Variants in ZNF713 observed in about 807,000 individuals in gnomAD.
ZNF713 encodes the protein zinc finger protein 713.
Under a neutral mutation model 28.7 loss-of-function variants are expected in ZNF713, and 21 were observed. The observed-to-expected ratio is 0.73, with a 90% CI of 0.52 to 1.05. The LOEUF (loss-of-function observed/expected upper bound fraction) is 1.05, where lower values mean the gene tolerates loss of function less well. Among genes scored for constraint, ZNF713 ranks in the 50% least tolerant of loss-of-function variants. The probability of loss-of-function intolerance (pLI) is 0.00; values close to 1 mark genes in which losing one functional copy is unlikely to be tolerated. For synonymous variants in ZNF713, 167 were observed against 178.0 expected (o/e 0.94, Z 0.49); for missense variants, 458 against 532.4 (o/e 0.86, Z 1.37).
At chr7:55,922,827 T>C (rs1197813626) in intron 4 of ZNF713, among the ~76,000 whole-genome samples, 1 of 152,208 alleles carries the variant, frequency 6.6e-6, no homozygotes, top group Non-Finnish European at 1.5e-5. Flanking sequence ...TGACTCACTT[T>C]ATTGCAATAT....
intron 1 of ZNF713, among the ~76,000 whole-genome samples, chr7:55,900,620 T>A (rs1394302913): frequency 1.3e-5 from 2 of 152,164 alleles, no homozygotes; most frequent in African/African-American, 2.4e-5. Context: ...CTCTATGATC[T>A]CACTTAAAAC....
At chr7:55,924,655 C>T (rs1786060617) in intron 6 of ZNF713, 1 of 152,188 alleles carries the variant, frequency 6.6e-6, no homozygotes. Context: ...AGATGGATCA[C>T]CTGAGGTCAG....
intron 6 of ZNF713, among the ~76,000 whole-genome samples, chr7:55,930,557 T>C (rs561502656): frequency 1.3e-5 from 2 of 152,190 alleles, no homozygotes; most frequent in Non-Finnish European, 1.5e-5. Flanking sequence ...AGCTCAGGAG[T>C]TCAGGACCAT....
chr7:55,938,830 G>A (rs1584322597), intron 6 of ZNF713, 152 bp from the exon 7 acceptor site: 4 of 713,676 alleles, frequency 5.6e-6, no homozygotes, highest in Admixed American at 7.1e-5. Context: ...CCTTTGTGAC[G>A]TGGCCACATT....
At chr7:55,909,786 G>A (rs1204100958) in intron 2 of ZNF713, among the ~76,000 whole-genome samples, 1 of 152,020 alleles carries the variant, frequency 6.6e-6, no homozygotes, top group Non-Finnish European at 1.5e-5. Context: ...AGGTAATTTT[G>A]TGTGGCTATT....
chr7:55,917,268 AAAAC>A (rs201192351), intron 4 of ZNF713, among the ~76,000 whole-genome samples: 9 of 148,244 alleles, frequency 6.1e-5, no homozygotes, highest in Middle Eastern at 3.5e-3. Context: ...TGGAAAAAAA[AAAAC>A]AACAAACTAT....
chr7:55,899,497 C>T (rs1785535015), intron 1 of ZNF713, among the ~76,000 whole-genome samples: 1 of 149,406 alleles, frequency 6.7e-6, no homozygotes, highest in Non-Finnish European at 1.5e-5. Flanking sequence ...ATGGCGAGAC[C>T]CCATCTCTAC....
intron 1 of ZNF713, among the ~76,000 whole-genome samples, chr7:55,900,586 A>G (rs1785557719): frequency 6.6e-6 from 1 of 152,222 alleles, no homozygotes; most frequent in Non-Finnish European, 1.5e-5. Flanking sequence ...TAAGTGAAAT[A>G]AGCCAAGCAC....
intron 4 of ZNF713, among the ~76,000 whole-genome samples, chr7:55,915,067 C>T (rs1785855244): frequency 1.3e-5 from 2 of 152,124 alleles, no homozygotes; most frequent in African/African-American, 4.8e-5. Flanking sequence ...GTTGGCCAGG[C>T]TAGTCCGCCC....
rs148224784 is a variant in ZNF713, at chr7:55,931,726, A to T, written c.308-7256A>T. On this transcript the variant is annotated intron_variant, in intron 6 of 6. Transcript: ENST00000429591. ...AGTTCAAAAGCCATGGATGGGCCTG[A>T]GCAGGGGAAACATCTGCTTGGCAAG... 5.2e-3 allele frequency among the ~76,000 whole-genome samples: 785 copies of T among 152,168 alleles called. 5 individuals carry two copies. Among genetic ancestry groups the T allele is most frequent in the Non-Finnish European group, 9.1e-3 (616 of 68,020 alleles).
At position 55,939,348 on chromosome 7, in the gene ZNF713, A is replaced by T; in HGVS notation, c.674A>T (p.Tyr225Phe). Residue 225 changes from tyrosine to phenylalanine, a missense_variant, in exon 7 of 7, where the codon TAT becomes TTT. By Grantham distance (22) the Tyr-to-Phe change is conservative (BLOSUM62 3). Transcript: ENST00000429591. ...SIKHNSDLIY[Y>F]QGNYVRETPY... ...AAACATAATTCAGACTTGATTTACT[A>T]TCAGGGAAATTATGTAAGAGAGACT... is the stretch of plus-strand genomic sequence containing the variant. 2 of 1,614,082 alleles carry T rather than the reference A, an allele frequency of 1.2e-6. No individual in the cohort carries two copies. Among genetic ancestry groups the T allele is most frequent in the Non-Finnish European group, 1.7e-6 (2 of 1,180,024 alleles).
At position 55,939,565 on chromosome 7, in the gene ZNF713, G is replaced by A; in HGVS notation, c.891G>A (p.Gln297=). ...ATGAATGTGGAAAAAGATTCAGCCA[G>A]AGGATACATCTCATTCAACATCAGA... The part of the protein sequence containing the change: ...KCDECGKRFS[Q]RIHLIQHQRI... Residue 297 remains glutamine, a synonymous_variant, in exon 7 of 7, where the codon CAG becomes CAA. Coordinates refer to ENST00000429591, the MANE Select transcript of ZNF713 (RefSeq NM_182633.3). The A allele has an allele frequency of 6.2e-7, 1 of 1,613,924 alleles. No individual in the cohort carries two copies. Among genetic ancestry groups the A allele is most frequent in the Non-Finnish European group, 8.5e-7 (1 of 1,179,942 alleles).
In ZNF713 at chr7:55,914,709, G is replaced by A. The variant is rs9642601; in HGVS notation, c.87+1986G>A. Reference sequence around the variant, plus strand: ...GTAGGGTTTGGAGATTAGAGAAAACGGGGGACCATTGCAGACAGGAAATAA... The same window carrying A: ...GTAGGGTTTGGAGATTAGAGAAAACAGGGGACCATTGCAGACAGGAAATAA... On this transcript the variant is annotated intron_variant, in intron 4 of 6. Coordinates refer to ENST00000429591, the MANE Select transcript of ZNF713 (RefSeq NM_182633.3). Among the ~76,000 whole-genome samples, 73 of 151,884 alleles carry A rather than the reference G, an allele frequency of 4.8e-4. 1 individual carries two copies. In the East Asian group the frequency reaches 0.013, roughly 27 times the overall value.
chr7:55,930,839 A>C (rs1396916852), intron 6 of ZNF713, among the ~76,000 whole-genome samples: 1 of 152,214 alleles, frequency 6.6e-6, no homozygotes, highest in Non-Finnish European at 1.5e-5. Flanking sequence ...CAGAGACCAT[A>C]TGGCCCACAA....
At chr7:55,932,970 G>A (rs1786271450) in intron 6 of ZNF713, among the ~76,000 whole-genome samples, 1 of 151,520 alleles carries the variant, frequency 6.6e-6, no homozygotes, top group Non-Finnish European at 1.5e-5. Flanking sequence ...GGGTGCGGTG[G>A]CTCACACCTA....
intron 2 of ZNF713, among the ~76,000 whole-genome samples, chr7:55,911,238 C>T (rs1785776629): frequency 6.6e-6 from 1 of 152,118 alleles, no homozygotes; most frequent in Non-Finnish European, 1.5e-5. Flanking sequence ...CCTTTGTGAA[C>T]AGAAAAAGAT....
In ZNF713 at chr7:55,939,575, C is replaced by G; in HGVS notation, c.901C>G (p.Leu301Val). Reference protein sequence around the residue: ...CGKRFSQRIHLIQHQRIHTGE... With the variant: ...CGKRFSQRIHVIQHQRIHTGE... ...AAAAAGATTCAGCCAGAGGATACAT[C>G]TCATTCAACATCAGAGAATTCACAC... The change falls in exon 7 of 7, where the codon CTC (leucine) becomes GTC (valine). Residue 301 changes from leucine to valine, a missense_variant. Transcript: ENST00000429591. The G allele has an allele frequency of 6.2e-7, 1 of 1,614,014 alleles. No individual in the cohort carries two copies. Among genetic ancestry groups the G allele is most frequent in the Non-Finnish European group, 8.5e-7 (1 of 1,179,992 alleles).
intron 1 of ZNF713, among the ~76,000 whole-genome samples, chr7:55,889,797 G>C (rs1006088763): frequency 6.6e-6 from 1 of 152,156 alleles, no homozygotes; most frequent in Non-Finnish European, 1.5e-5. Flanking sequence ...GTAACACGTT[G>C]GTGTCATTTT....
intron 1 of ZNF713, among the ~76,000 whole-genome samples, chr7:55,905,561 C>T (rs1180497467): frequency 6.6e-6 from 1 of 151,992 alleles, no homozygotes; most frequent in East Asian, 1.9e-4. Context: ...CTGGAGCCCT[C>T]TTCAGTTTGT....
Sources: allele counts gnomAD v4.1 joint callset (sites outside exome capture counted in the v4.1 genomes callset), GRCh38; gene constraint gnomAD v4.1.1; transcripts MANE v1.5; gene names NCBI Gene and HGNC (gene_info 2026-07-23, HGNC 2026-07-21).